Variants in ZFYVE28 observed in about 807,000 individuals in gnomAD.
ZFYVE28 encodes the protein lateral signaling target protein 2 homolog.
ZFYVE28 carries 40 observed loss-of-function variants against 82.1 expected under a neutral mutation model. The ratio of observed to expected loss-of-function variants is 0.49; its 90% confidence interval spans 0.38 to 0.63. The LOEUF (loss-of-function observed/expected upper bound fraction) is 0.63. Ranked by LOEUF, ZFYVE28 falls within the 30% of genes least tolerant of loss-of-function variation. The pLI, the probability that ZFYVE28 is intolerant of heterozygous loss-of-function variation, is 0.00. For missense variants in ZFYVE28, 1,321 were observed against 1,242.1 expected, an observed-to-expected ratio of 1.06 and a Z score of -0.96; for synonymous variants, 612 against 546.1, an observed-to-expected ratio of 1.12 and a Z score of -1.68.
intron 1 of ZFYVE28, among the ~76,000 whole-genome samples, chr4:2,399,990 G>C (rs1027933036): frequency 2.0e-5 from 3 of 152,318 alleles, no homozygotes; most frequent in Non-Finnish European, 4.4e-5. Flanking sequence ...AGGAAGTGCC[G>C]GCACCACGCA....
chr4:2,334,762 CCCTCCCCACTTCCG>C lies in ZFYVE28; in HGVS notation c.701+929_701+942del, dbSNP rs1488890115. Among the ~76,000 whole-genome samples, 173 of 34,892 alleles carry C rather than the reference CCCTCCCCACTTCCG, an allele frequency of 5.0e-3. 14 individuals carry two copies. Among genetic ancestry groups the C allele is most frequent in the Admixed American group, 7.4e-3 (24 of 3,224 alleles). 22.9% of individuals were successfully genotyped at this position (34,892 alleles called of 152,430 possible). ...CCCTCCCCCTTCCCCCTCCCCTTCC[CCCTCCCCACTTCCG>C]CCTCCCCTCTTCCCCCTCCCCTCTT... On this transcript the variant is annotated intron_variant, in intron 6 of 12. Coordinates refer to ENST00000290974, the MANE Select transcript of ZFYVE28 (RefSeq NM_020972.3).
At chr4:2,389,475 T>C (rs1419439659) in intron 1 of ZFYVE28, among the ~76,000 whole-genome samples, 1 of 152,162 alleles carries the variant, frequency 6.6e-6, no homozygotes, top group Non-Finnish European at 1.5e-5. Flanking sequence ...TGGTCTCCTA[T>C]GGCCCAACTC....
In ZFYVE28 at chr4:2,305,362, G is replaced by C. The variant is rs1021908466; in HGVS notation, c.978C>G (p.Asp326Glu). 1.2e-6 allele frequency: 2 copies of C among 1,612,662 alleles called. No individual in the cohort carries two copies. The highest frequency in any genetic ancestry group is 2.7e-5 in the African/African-American group (2 of 74,948). Residue 326 changes from aspartate (D) to glutamate (E), a missense_variant, in exon 8 of 13, where the codon GAC becomes GAG. Asp to Glu is a conservative substitution (Grantham distance 45). Around this residue, in one of 2 missense-constraint regions of ZFYVE28, gnomAD observed 978 missense variants for 833.7 expected, o/e 1.17. Transcript: ENST00000290974. ...PEGPLSAKAK[D>E]PDAELACSMQ... ...TGGAGCAGGCCAGCTCTGCATCCGG[G>C]TCTTTGGCCTTAGCTGAGAGTGGCC...
chr4:2,404,855 C>CTCTTTT (rs1553867190), intron 1 of ZFYVE28, among the ~76,000 whole-genome samples: 4 of 64,822 alleles, frequency 6.2e-5, no homozygotes, highest in Admixed American at 2.1e-4. Context: ...CTCAGTCTCG[C>CTCTTTT]TCTTTTTTTT....
intron 1 of ZFYVE28, among the ~76,000 whole-genome samples, chr4:2,406,059 A>AG (rs370012553): frequency 1.6e-5 from 1 of 62,044 alleles, no homozygotes; most frequent in Admixed American, 2.5e-4. Flanking sequence ...AAAAAAAAAA[A>AG]AAAAAAGAAA....
rs937383494 is a variant in ZFYVE28 at position 2,416,011 on chromosome 4, G to A, written c.39+2274C>T. Among the ~76,000 whole-genome samples, 7 of 152,048 alleles carry A rather than the reference G, an allele frequency of 4.6e-5. No individual in the cohort carries two copies. Among genetic ancestry groups the A allele is most frequent in the East Asian group, 1.9e-4 (1 of 5,196 alleles). On this transcript the variant is annotated intron_variant, in intron 1 of 12. Coordinates refer to ENST00000290974, the MANE Select transcript of ZFYVE28 (RefSeq NM_020972.3). This position sits in a 1 kb window ranked among gnomAD's most constrained non-coding sequence, Gnocchi z 4.6. ...AGACAGCATGCCAGGAGAAGACAAC[G>A]AGAAAAAGGAGAGATCCACATCAAT...
chr4:2,290,956 G>A (rs1713563752), intron 8 of ZFYVE28, among the ~76,000 whole-genome samples: 1 of 152,178 alleles, frequency 6.6e-6, no homozygotes, highest in Admixed American at 6.5e-5. Flanking sequence ...ATCCCTTTAT[G>A]TTTTTCTTCG....
At chr4:2,323,821 A>G (rs532125021) in intron 6 of ZFYVE28, among the ~76,000 whole-genome samples, 8 of 151,120 alleles carry the variant, frequency 5.3e-5, no homozygotes, top group Non-Finnish European at 7.4e-5. Context: ...AAGATAGTTT[A>G]CTGAGAATGA....
intron 3 of ZFYVE28, among the ~76,000 whole-genome samples, chr4:2,340,170 C>T (rs996819551): frequency 2.0e-5 from 3 of 152,158 alleles, no homozygotes; most frequent in African/African-American, 7.2e-5. Flanking sequence ...ACAGACACCA[C>T]CTGTCAAGTT....
At chr4:2,303,336 C>T (rs774238050) in intron 8 of ZFYVE28, among the ~76,000 whole-genome samples, 1 of 152,172 alleles carries the variant, frequency 6.6e-6, no homozygotes, top group Admixed American at 6.5e-5. Context: ...CCTGGGCCTG[C>T]CTGCCATCCT....
At chr4:2,327,251 A>AATATATAT (rs67940269) in intron 6 of ZFYVE28, among the ~76,000 whole-genome samples, 2 of 87,328 alleles carry the variant, frequency 2.3e-5, no homozygotes, top group Non-Finnish European at 4.3e-5. Context: ...CTCCATCTCA[A>AATATATAT]ATATATATAT....
Position 2,350,079 on chromosome 4 carries a change from G to C in ZFYVE28, c.180+3854C>G, listed in dbSNP as rs114281762. Among the ~76,000 whole-genome samples the C allele has an allele frequency of 9.1e-3, 1,376 of 151,294 alleles. 27 individuals are homozygous for C. Among genetic ancestry groups the C allele is most frequent in the African/African-American group, 0.032 (1,316 of 41,300 alleles). ...CACACACACACACTCGGCATCCAGAGAGAAAAGGAAGAAGTGAAGATTATC... is the reference window on the plus strand; with the variant it reads ...CACACACACACACTCGGCATCCAGACAGAAAAGGAAGAAGTGAAGATTATC... On this transcript the variant is annotated intron_variant, in intron 2 of 12. Coordinates refer to ENST00000290974, the MANE Select transcript of ZFYVE28 (RefSeq NM_020972.3).
chr4:2,363,043 G>T (rs978396222), intron 1 of ZFYVE28, among the ~76,000 whole-genome samples: 1 of 152,174 alleles, frequency 6.6e-6, no homozygotes, highest in African/African-American at 2.4e-5. Context: ...CCCCAGCACA[G>T]CCTGACCAGG....
rs542273564 is a variant in ZFYVE28 at position 2,409,413 on chromosome 4, C to G, written c.39+8872G>C. On this transcript the variant is annotated intron_variant, in intron 1 of 12. Transcript: ENST00000290974. This position sits in a 1 kb window ranked among gnomAD's most constrained non-coding sequence, Gnocchi z 4.4. ...GCTGACCCCATCATGCCCCCACCTT[C>G]CTTGCCTGTGACCCATCCCCAGGCG... 1.4e-4 allele frequency among the ~76,000 whole-genome samples: 22 copies of G among 152,312 alleles called. No individual in the cohort carries two copies. In the South Asian group the frequency reaches 4.6e-3, roughly 32 times the overall value.
chr4:2,324,602 T>A (rs566221294), intron 6 of ZFYVE28: 43 of 178,238 alleles, frequency 2.4e-4, no homozygotes, highest in African/African-American at 9.9e-4. Context: ...ACTGTCCTCA[T>A]GTCAGAGGAA....
chr4:2,350,414 A>G (rs1005801714), intron 2 of ZFYVE28, among the ~76,000 whole-genome samples: 2 of 152,072 alleles, frequency 1.3e-5, no homozygotes, highest in Non-Finnish European at 2.9e-5. Context: ...GACTGAGCCG[A>G]GATCGCGCCA....
intron 7 of ZFYVE28, 59 bp from the exon 8 acceptor site, chr4:2,305,595 G>A: frequency 1.2e-6 from 2 of 1,601,988 alleles, no homozygotes; most frequent in Non-Finnish European, 1.7e-6. Context: ...AGCCTCCTTG[G>A]CCAGGAGTGG....
chr4:2,283,927 G>C (rs1163946749), intron 8 of ZFYVE28, among the ~76,000 whole-genome samples: 1 of 152,196 alleles, frequency 6.6e-6, no homozygotes, highest in Non-Finnish European at 1.5e-5. Flanking sequence ...GGAGAGACCA[G>C]GCAGAGGTTG....
chr4:2,282,716 G>A (rs1712118696), intron 8 of ZFYVE28, among the ~76,000 whole-genome samples: 1 of 152,266 alleles, frequency 6.6e-6, no homozygotes, highest in East Asian at 1.9e-4. Flanking sequence ...GCCAACTTTG[G>A]AAAGACTAAC....
Sources: allele counts gnomAD v4.1 joint callset (sites outside exome capture counted in the v4.1 genomes callset), GRCh38; gene constraint gnomAD v4.1.1; regional missense constraint gnomAD v4.1.1; non-coding constraint Gnocchi (gnomAD v3.1); transcripts MANE v1.5; gene names NCBI Gene and HGNC (gene_info 2026-07-23, HGNC 2026-07-21).